The following PCDHGB3 variants were observed in gnomAD, a reference collection of about 807,000 sequenced individuals.
The protein encoded by PCDHGB3 is protocadherin gamma subfamily B, 3, also known as protocadherin gamma-B3.
A neutral mutation model predicts 59.2 loss-of-function variants in PCDHGB3; 40 were observed. The ratio of observed to expected loss-of-function variants is 0.68; its 90% CI spans 0.52 to 0.88. The LOEUF is 0.88. Ranked by LOEUF, PCDHGB3 falls within the 40% of genes least tolerant of loss-of-function variation. The pLI is 0.00. For missense variants in PCDHGB3, 1,309 were observed against 1,187.9 expected (o/e 1.10, Z -1.50); for synonymous variants, 581 against 503.6 (o/e 1.15, Z -2.06).
intron 1 of PCDHGB3, chr5:141,383,160 G>T (rs770719921): frequency 1.9e-6 from 3 of 1,613,316 alleles, no homozygotes; most frequent in Admixed American, 1.7e-5. Context: ...TGGTCACTGC[G>T]GGCAGGATAG....
intron 1 of PCDHGB3, chr5:141,417,644 A>G (rs2096142506): frequency 3.9e-6 from 3 of 779,086 alleles, no homozygotes; most frequent in Non-Finnish European, 5.8e-6. Context: ...GGGATCCCTC[A>G]GCCTCTAGCC....
rs376067853 is a variant in PCDHGB3, at chr5:141,408,397, G to C, written c.2415+35588G>C. 261 of 1,614,068 alleles carry C rather than the reference G, an allele frequency of 1.6e-4. 1 individual carries two copies. In the East Asian group the frequency reaches 5.2e-3, roughly 32 times the overall value. On this transcript the variant is annotated intron_variant, in intron 1 of 3. Coordinates refer to ENST00000576222, the MANE Select transcript of PCDHGB3 (RefSeq NM_018924.5). The stretch of plus-strand genomic sequence containing the variant: ...GTGTCCTGGATGTGTCGGCTCGCAA[G>C]CTGCGAGTGAGCGCGGAGAAGCTGC...
intron 1 of PCDHGB3, chr5:141,383,550 C>A: frequency 6.2e-7 from 1 of 1,612,098 alleles, no homozygotes; most frequent in Non-Finnish European, 8.5e-7. Flanking sequence ...CCTCTGATGG[C>A]GGCGACCCGC....
chr5:141,400,092 G>T, intron 1 of PCDHGB3: 1 of 1,614,060 alleles, frequency 6.2e-7, no homozygotes, highest in Non-Finnish European at 8.5e-7. Context: ...CCACCGCCAC[G>T]CTGCACTTGG....
intron 1 of PCDHGB3, chr5:141,478,509 G>A: frequency 1.2e-6 from 2 of 1,611,878 alleles, no homozygotes; most frequent in South Asian, 1.1e-5. Flanking sequence ...GTGTTCTATA[G>A]GCAGGTGTTG....
chr5:141,391,155 T>C (rs2092309201), intron 1 of PCDHGB3: 1 of 152,250 alleles, frequency 6.6e-6, no homozygotes, highest in Non-Finnish European at 1.5e-5. Context: ...GAAAGAAATA[T>C]AGTCTTGAAA....
chr5:141,469,036 G>T (rs1396748159), intron 1 of PCDHGB3, among the ~76,000 whole-genome samples: 2 of 152,076 alleles, frequency 1.3e-5, no homozygotes, highest in Non-Finnish European at 2.9e-5. Flanking sequence ...CAGCACTTTG[G>T]GAGGCCAAGG....
chr5:141,395,222 A>G, intron 1 of PCDHGB3: 2 of 1,611,606 alleles, frequency 1.2e-6, no homozygotes, highest in Non-Finnish European at 1.7e-6. Flanking sequence ...ATAAGAATGA[A>G]GCTGATCATG....
Position 141,432,617 on chromosome 5 carries a change from G to T in PCDHGB3, c.2415+59808G>T, listed in dbSNP as rs2097521313. The T allele has an allele frequency of 6.2e-7, 1 of 1,613,578 alleles. No homozygotes were observed. The highest frequency in any genetic ancestry group is 1.3e-5 in the African/African-American group (1 of 74,842). On this transcript the variant is annotated intron_variant, in intron 1 of 3. Coordinates refer to ENST00000576222, the MANE Select transcript of PCDHGB3 (RefSeq NM_018924.5). This position sits in a 1 kb window ranked among gnomAD's most constrained non-coding sequence, Gnocchi z 6.0. ...CAGCGAGCCGGGACTCTTCTCGGTGGGTCTGCACACGGGCGAGGTGCGCAC... is the reference window on the plus strand; with the variant it reads ...CAGCGAGCCGGGACTCTTCTCGGTGTGTCTGCACACGGGCGAGGTGCGCAC...
intron 1 of PCDHGB3, 79 bp downstream of exon 1, chr5:141,372,888 T>C: frequency 8.5e-7 from 1 of 1,177,756 alleles, no homozygotes; most frequent in South Asian, 1.6e-5. Context: ...AGAATACAGA[T>C]TAAATATTCC....
chr5:141,402,785 CG>C, intron 1 of PCDHGB3: 1 of 904,572 alleles, frequency 1.1e-6, no homozygotes, highest in South Asian at 2.1e-5. Context: ...TCCAGTTCTG[CG>C]GCTACACAAA....
chr5:141,413,461 C>T, intron 1 of PCDHGB3: 2 of 1,614,082 alleles, frequency 1.2e-6, no homozygotes, highest in Non-Finnish European at 1.7e-6. Context: ...CAGGATAGAC[C>T]GGGAGGAGCT....
Position 141,427,885 on chromosome 5 carries a change from ACCAGGGCTCGC to A in PCDHGB3, c.2415+55079_2415+55089del, listed in dbSNP as rs772694818. 4 of 1,565,134 alleles carry A rather than the reference ACCAGGGCTCGC, an allele frequency of 2.6e-6. No homozygotes were observed. In the East Asian group the frequency reaches 6.7e-5, roughly 26 times the overall value. ...TTCGAGCTCACGATGCAGGCCCACGACCAGGGCTCGCCCGCGCTCAGCGCCAACATGAGCCG... is the reference window on the plus strand; with the variant it reads ...TTCGAGCTCACGATGCAGGCCCACGACCGCGCTCAGCGCCAACATGAGCCG... On this transcript the variant is annotated intron_variant, in intron 1 of 3. Coordinates refer to ENST00000576222, the MANE Select transcript of PCDHGB3 (RefSeq NM_018924.5).
At chr5:141,462,235 C>T (rs1389326284) in intron 1 of PCDHGB3, among the ~76,000 whole-genome samples, 1 of 152,206 alleles carries the variant, frequency 6.6e-6, no homozygotes, top group African/African-American at 2.4e-5. Flanking sequence ...GCAGGGATTA[C>T]AGGTATGAGC....
chr5:141,492,274 A>C (rs2099739010), intron 1 of PCDHGB3, among the ~76,000 whole-genome samples: 1 of 152,024 alleles, frequency 6.6e-6, no homozygotes, highest in Non-Finnish European at 1.5e-5. Flanking sequence ...CGGGCTCGCC[A>C]CGCCCCGCCA....
intron 1 of PCDHGB3, among the ~76,000 whole-genome samples, chr5:141,442,680 A>C (rs2098335997): frequency 6.6e-6 from 1 of 152,270 alleles, no homozygotes; most frequent in Non-Finnish European, 1.5e-5. Flanking sequence ...CTTGAGGGAC[A>C]GTAGTCAGGC....
intron 1 of PCDHGB3, chr5:141,421,165 T>C: frequency 7.7e-7 from 1 of 1,297,018 alleles, no homozygotes; most frequent in Non-Finnish European, 1.0e-6. Flanking sequence ...ACTTCATAGA[T>C]ACATAAGCCG....
At chr5:141,496,249 A>G (rs1385823714) in intron 2 of PCDHGB3, among the ~76,000 whole-genome samples, 1 of 152,078 alleles carries the variant, frequency 6.6e-6, no homozygotes, top group East Asian at 1.9e-4. Context: ...GCTGAAGGGG[A>G]GGGAAACTTC....
intron 1 of PCDHGB3, chr5:141,427,988 T>C (rs555561265): frequency 6.3e-7 from 1 of 1,598,504 alleles, no homozygotes; most frequent in South Asian, 1.1e-5. Context: ...TGGGGCCCGA[T>C]GGCTCCGCAC....
Sources: allele counts gnomAD v4.1 joint callset (sites outside exome capture counted in the v4.1 genomes callset), GRCh38; gene constraint gnomAD v4.1.1; non-coding constraint Gnocchi (gnomAD v3.1); transcripts MANE v1.5; gene names NCBI Gene and HGNC (gene_info 2026-07-23, HGNC 2026-07-21).